C11orf16: variants seen among roughly 807,000 people sequenced by gnomAD.
C11orf16 encodes the protein chromosome 11 open reading frame 16.
C11orf16 carries 38 observed loss-of-function variants against 45.1 expected under a neutral mutation model. The observed-to-expected ratio is 0.84, with a 90% CI of 0.65 to 1.10. C11orf16 has a LOEUF of 1.10. Among genes scored for constraint, C11orf16 ranks in the 50% least tolerant of loss-of-function variants. The probability of loss-of-function intolerance (pLI) is 0.00; values close to 1 mark genes in which losing one functional copy is unlikely to be tolerated. For synonymous variants in C11orf16, 221 were observed against 222.0 expected, an observed-to-expected ratio of 1.00 and a Z score of 0.04; for missense variants, 583 against 569.5, an observed-to-expected ratio of 1.02 and a Z score of -0.24.
Position 8,927,001 on chromosome 11 carries a change from G to A in C11orf16, c.498C>T (p.Gly166=), listed in dbSNP as rs374338051. The part of the protein sequence containing the change: ...GDKVLALWEP[G]QQQYGPGTVL... ...CAGTGCCAGGGCCATACTGCTGTTG[G>A]CCTGGCTCCCAGAGTGCCAGCACCT... The change falls in exon 4 of 7, where the codon GGC becomes GGT. Residue 166 remains glycine (G), a synonymous_variant. Transcript: ENST00000326053. 1 of 1,614,024 alleles carries A rather than the reference G, an allele frequency of 6.2e-7. No individual in the cohort carries two copies. Among genetic ancestry groups the A allele is most frequent in the East Asian group, 2.2e-5 (1 of 44,862 alleles).
chr11:8,923,503 A>G (rs1004520959), intron 5 of C11orf16, among the ~76,000 whole-genome samples: 2 of 152,160 alleles, frequency 1.3e-5, no homozygotes, highest in African/African-American at 4.8e-5. Flanking sequence ...CATCTTCTTT[A>G]TGCCCTCTCT....
In C11orf16 at chr11:8,927,162, CCT is replaced by C; in HGVS notation, c.335_336del (p.Gln112ArgfsTer46). ...QIKATPELER[Q>X]GVLLVEFEAP... ...GCCTCGAATTCCACAAGCAGGACCC[CCT>C]GTCTCTCCAGCTGTGGGAAAGAAAA... is the stretch of plus-strand genomic sequence containing the variant. On this transcript the variant is annotated frameshift_variant, in exon 4 of 7. Coordinates refer to ENST00000326053, the MANE Select transcript of C11orf16 (RefSeq NM_020643.3). LOFTEE classifies it high-confidence loss of function. The C allele has an allele frequency of 3.1e-6, 5 of 1,613,498 alleles. No individual in the cohort carries two copies. The highest frequency in any genetic ancestry group is 4.2e-6 in the Non-Finnish European group (5 of 1,179,652).
chr11:8,931,012 G>A (rs760048707), intron 2 of C11orf16, among the ~76,000 whole-genome samples: 13 of 152,300 alleles, frequency 8.5e-5, no homozygotes, highest in Admixed American at 4.6e-4. Context: ...GCAGGAATGC[G>A]AGTCCCTGGA....
intron 4 of C11orf16, among the ~76,000 whole-genome samples, chr11:8,926,524 G>T (rs922241915): frequency 1.3e-5 from 2 of 151,750 alleles, no homozygotes; most frequent in Non-Finnish European, 2.9e-5. Context: ...GGCCTGCAGG[G>T]GCTCACTTTT....
chr11:8,928,976 C>T (rs1428337428), intron 3 of C11orf16: 2 of 172,380 alleles, frequency 1.2e-5, no homozygotes, highest in East Asian at 3.3e-4. Flanking sequence ...GGAGAAAGCC[C>T]CATAAAGGTA....
chr11:8,932,013 C>G, intron 2 of C11orf16, 129 bp downstream of exon 2: 1 of 1,018,124 alleles, frequency 9.8e-7, no homozygotes, highest in Non-Finnish European at 1.4e-6. Context: ...CAATCATAGG[C>G]CAAACAATGA....
chr11:8,921,633 A>G, intron 5 of C11orf16, 118 bp from the exon 6 acceptor site: 1 of 981,224 alleles, frequency 1.0e-6, no homozygotes, highest in Non-Finnish European at 1.5e-6. Context: ...CTTTTCATTT[A>G]TTATGTATTT....
chr11:8,923,864 C>A (rs1566111415), intron 5 of C11orf16, among the ~76,000 whole-genome samples: 2 of 142,548 alleles, frequency 1.4e-5, no homozygotes, highest in Non-Finnish European at 3.1e-5. Context: ...ACCCCCACCC[C>A]CCGGCCTCCC....
chr11:8,927,565 C>T (rs1405063424), intron 3 of C11orf16: 2 of 457,384 alleles, frequency 4.4e-6, no homozygotes, highest in South Asian at 1.6e-5. Context: ...CAAGAAGCGT[C>T]GCTCCTGTGT....
rs777057701 is a variant in C11orf16 at position 8,925,600 on chromosome 11, G to A, written c.1067C>T (p.Pro356Leu). Residue 356 changes from proline to leucine, a missense_variant, in exon 5 of 7, where the codon CCC becomes CTC. Transcript: ENST00000326053. ...GVENDLEMGP[P>L]QRLMVNSAVN... ...TGCACTGTTCACCATCAGTCTCTGG[G>A]GAGGGCCCATCTCCAGATCATTCTC... 8.1e-6 allele frequency: 13 copies of A among 1,614,238 alleles called. No homozygotes were observed. The highest frequency in any genetic ancestry group is 3.3e-5 in the Admixed American group (2 of 60,026).
chr11:8,923,780 T>C (rs944344806), intron 5 of C11orf16, among the ~76,000 whole-genome samples: 1 of 152,074 alleles, frequency 6.6e-6, no homozygotes, highest in Non-Finnish European at 1.5e-5. Context: ...ATTTTTGTAT[T>C]TTTAGTAGAG....
chr11:8,928,317 GA>G (rs71452498), intron 3 of C11orf16, among the ~76,000 whole-genome samples: 42,769 of 149,024 alleles, frequency 0.29, 6,942 homozygotes, highest in South Asian at 0.45. Context: ...CTGAAAAAAA[GA>G]AAAAAAAAAG....
rs766988229 is a variant in C11orf16, at chr11:8,921,379, T to G, written c.1341A>C (p.Glu447Asp). Reference protein sequence around the residue: ...HMKPPRTPPGEAEHRKRSQSL... With the variant: ...HMKPPRTPPGDAEHRKRSQSL... ...TCTGACTCCGCTTTCTGTGTTCAGC[T>G]TCCCCTGGCGGGGTCCGCGGTGGCT... The change falls in exon 6 of 7, where the codon GAA (glutamate) becomes GAC (aspartate). Residue 447 changes from glutamate (E) to aspartate (D), a missense_variant. Glu to Asp is a conservative substitution (Grantham distance 45, BLOSUM62 2). Transcript: ENST00000326053. The G allele has an allele frequency of 4.3e-6, 7 of 1,614,226 alleles. No individual in the cohort carries two copies. The highest frequency in any genetic ancestry group is 5.1e-6 in the Non-Finnish European group (6 of 1,180,038).
intron 4 of C11orf16, 49 bp from the exon 5 acceptor site, chr11:8,926,156 C>CT (rs752204330): frequency 5.0e-5 from 66 of 1,317,272 alleles, no homozygotes; most frequent in South Asian, 1.2e-4. Flanking sequence ...CAATTATCTC[C>CT]TTTTTTTTCT....
intron 5 of C11orf16, among the ~76,000 whole-genome samples, chr11:8,924,654 A>G (rs992021670): frequency 7.2e-5 from 11 of 152,162 alleles, no homozygotes; most frequent in African/African-American, 2.7e-4. Flanking sequence ...CAGTGTGGGC[A>G]GTGCCTAGAG....
Position 8,932,220 on chromosome 11 carries a change from G to A in C11orf16, c.89C>T (p.Ala30Val), listed in dbSNP as rs1258293516. 6.2e-7 allele frequency: 1 copy of A among 1,604,454 alleles called. No individual in the cohort carries two copies. The change falls in exon 2 of 7, where the codon GCT (alanine) becomes GTT (valine). Residue 30 changes from alanine (A) to valine (V), a missense_variant. Ala to Val is a moderately conservative substitution (Grantham distance 64, BLOSUM62 0). Coordinates refer to ENST00000326053, the MANE Select transcript of C11orf16 (RefSeq NM_020643.3). Reference protein sequence around the residue: ...SLKAPGWDGAAPPWDLSFTYP... With the variant: ...SLKAPGWDGAVPPWDLSFTYP... ...GGTGAAGGAGAGGTCCCAAGGTGGA[G>A]CAGCACCGTCCCAGCCAGGGGCCTT...
At chr11:8,923,829 C>T (rs1277433913) in intron 5 of C11orf16, among the ~76,000 whole-genome samples, 1 of 151,706 alleles carries the variant, frequency 6.6e-6, no homozygotes, top group African/African-American at 2.4e-5. Context: ...GTCTCAAACC[C>T]CTGACCTCAA....
chr11:8,925,736 G>C lies in C11orf16; in HGVS notation c.931C>G (p.Pro311Ala), dbSNP rs3751066. 0.6 allele frequency: 968,648 copies of C among 1,613,994 alleles called. 295,535 individuals carry two copies. The highest frequency in any genetic ancestry group is 0.73 in the East Asian group (32,763 of 44,876). The change falls in exon 5 of 7, where the codon CCC becomes GCC. Residue 311 changes from proline (P) to alanine (A), a missense_variant. Pro to Ala is a conservative substitution (Grantham distance 27). Transcript: ENST00000326053. ...VMARELPELE[P>A]TAQLLPLEGP... ...TCCAGGGGCAAAAGCTGTGCTGTGG[G>C]CTCCAACTCTGGAAGTTCTCTGGCC... is the stretch of plus-strand genomic sequence containing the variant.
chr11:8,931,899 C>A (rs1327702803), intron 2 of C11orf16, among the ~76,000 whole-genome samples: 1 of 152,214 alleles, frequency 6.6e-6, no homozygotes, highest in African/African-American at 2.4e-5. Flanking sequence ...CCTTCTCTTA[C>A]TCATGCCAAC....
Sources: allele counts gnomAD v4.1 joint callset (sites outside exome capture counted in the v4.1 genomes callset), GRCh38; gene constraint gnomAD v4.1.1; transcripts MANE v1.5; gene names NCBI Gene and HGNC (gene_info 2026-07-23, HGNC 2026-07-21).